The following PTPRZ1 variants were observed in gnomAD, a reference collection of about 807,000 sequenced individuals.
The protein encoded by PTPRZ1 is protein tyrosine phosphatase receptor type Z1, also known as receptor-type tyrosine-protein phosphatase zeta.
PTPRZ1 carries 82 observed loss-of-function variants against 214.1 expected under a neutral mutation model. That is an observed-to-expected ratio of 0.38 (90% confidence interval 0.32 to 0.46). PTPRZ1 has a LOEUF of 0.46. Among genes scored for constraint, PTPRZ1 ranks in the 20% least tolerant of loss-of-function variants. The pLI, the probability that PTPRZ1 is intolerant of heterozygous loss-of-function variation, is 1.00. For synonymous variants in PTPRZ1, 945 were observed against 987.9 expected (o/e 0.96, Z 0.81); for missense variants, 2,603 against 2,748.7 (o/e 0.95, Z 1.19).
intron 2 of PTPRZ1, among the ~76,000 whole-genome samples, chr7:121,947,287 T>G (rs762023757): frequency 1.2e-4 from 19 of 152,044 alleles, no homozygotes; most frequent in Non-Finnish European, 2.4e-4. Context: ...AACAATTACT[T>G]AATAGGACTT....
chr7:121,982,966 A>G (rs890194429), intron 6 of PTPRZ1, among the ~76,000 whole-genome samples: 2 of 152,036 alleles, frequency 1.3e-5, no homozygotes, highest in African/African-American at 2.4e-5. Flanking sequence ...TTTAGCAGAG[A>G]TGGGGTTTCA....
At chr7:122,037,729 G>A (rs1396062378) in intron 18 of PTPRZ1, among the ~76,000 whole-genome samples, 1 of 152,178 alleles carries the variant, frequency 6.6e-6, no homozygotes, top group African/African-American at 2.4e-5. Flanking sequence ...TCTGGAGTTA[G>A]AACTGATTTT....
chr7:121,981,920 A>G (rs749844391), intron 6 of PTPRZ1, among the ~76,000 whole-genome samples: 7 of 151,960 alleles, frequency 4.6e-5, no homozygotes, highest in Non-Finnish European at 7.4e-5. Context: ...AAATTTTATC[A>G]TTTTTCCTTT....
intron 8 of PTPRZ1, 45 bp downstream of exon 8, chr7:121,984,162 G>A (rs1008734794): frequency 1.3e-6 from 2 of 1,504,134 alleles, no homozygotes; most frequent in Non-Finnish European, 1.8e-6. Flanking sequence ...TAGATGCAGT[G>A]TTATAGGAGG....
At chr7:121,985,247 C>T (rs1290530475) in intron 8 of PTPRZ1, among the ~76,000 whole-genome samples, 1 of 152,156 alleles carries the variant, frequency 6.6e-6, no homozygotes, top group Non-Finnish European at 1.5e-5. Flanking sequence ...CTATAGCATA[C>T]TGTCCAGTAA....
At chr7:122,037,469 A>G (rs1242371225) in intron 18 of PTPRZ1, among the ~76,000 whole-genome samples, 1 of 152,114 alleles carries the variant, frequency 6.6e-6, no homozygotes, top group Non-Finnish European at 1.5e-5. Flanking sequence ...GCTTTGTGGA[A>G]CTTACTGGGA....
chr7:122,034,344 C>T lies in PTPRZ1; in HGVS notation c.5250C>T (p.Asn1750=). The change falls in exon 17 of 30, where the codon AAC becomes AAT. Residue 1750 remains asparagine, a synonymous_variant. Transcript: ENST00000393386. ...ITADSSNHPD[N]KHKNRYINIV... is the part of the protein sequence containing the mutation. ...CAGACAGCTCCAACCACCCAGACAA[C>T]AAGCACAAGAATCGATACATAAATA... The T allele has an allele frequency of 6.2e-7, 1 of 1,613,422 alleles. No individual in the cohort carries two copies. Among genetic ancestry groups the T allele is most frequent in the Non-Finnish European group, 8.5e-7 (1 of 1,179,632 alleles).
intron 2 of PTPRZ1, among the ~76,000 whole-genome samples, chr7:121,957,063 G>A (rs1265233620): frequency 6.6e-6 from 1 of 152,122 alleles, no homozygotes; most frequent in East Asian, 1.9e-4. Flanking sequence ...CGCACACTTC[G>A]CTTGGCATTT....
In PTPRZ1 at chr7:121,929,820, AAAAT is replaced by A. The variant is rs1164069398; in HGVS notation, c.124+1603_124+1606del. Among the ~76,000 whole-genome samples the A allele has an allele frequency of 5.3e-5, 6 of 112,508 alleles. No individual in the cohort carries two copies. In the East Asian group the frequency reaches 9.9e-4, roughly 19 times the overall value. 73.8% of individuals were successfully genotyped at this position (112,508 alleles called of 152,430 possible). A position where few individuals can be genotyped will look rare whatever the true frequency, so the allele number is the denominator to read the frequency against. ...AAGACTCCATCTCAAAAAAAAAATAAAAATAAAAAATAAATAAATAAATAAATAA... is the reference window on the plus strand; with the variant it reads ...AAGACTCCATCTCAAAAAAAAAATAAAAAAAATAAATAAATAAATAAATAA... On this transcript the variant is annotated intron_variant, in intron 2 of 29. Coordinates refer to ENST00000393386, the MANE Select transcript of PTPRZ1 (RefSeq NM_002851.3).
chr7:122,055,016 G>A lies in PTPRZ1; in HGVS notation c.6457G>A (p.Ala2153Thr). Residue 2153 changes from alanine to threonine, a missense_variant, in exon 27 of 30, where the codon GCT becomes ACT. Physicochemically the swap from Ala to Thr is moderately conservative, Grantham distance 58. Transcript: ENST00000393386. ...TGAGAGCTTTAAGGTCACTCTTATG[G>A]CTGAAGAACACAAATGTCTATCTAA... The part of the protein sequence containing the change: ...NCESFKVTLM[A>T]EEHKCLSNEE... 1 of 1,605,418 alleles carries A rather than the reference G, an allele frequency of 6.2e-7. No homozygotes were observed. Among genetic ancestry groups the A allele is most frequent in the Non-Finnish European group, 8.5e-7 (1 of 1,173,306 alleles).
intron 6 of PTPRZ1, among the ~76,000 whole-genome samples, chr7:121,980,601 T>C (rs542587582): frequency 2.0e-5 from 3 of 152,358 alleles, no homozygotes; most frequent in South Asian, 4.1e-4. Context: ...AAAAGGTTTT[T>C]ATTTCTAAGA....
intron 1 of PTPRZ1, among the ~76,000 whole-genome samples, chr7:121,874,602 G>A (rs1793995731): frequency 6.6e-6 from 1 of 152,160 alleles, no homozygotes; most frequent in Non-Finnish European, 1.5e-5. Context: ...AATAGATGGT[G>A]CTGCTCTTGG....
intron 3 of PTPRZ1, among the ~76,000 whole-genome samples, chr7:121,968,372 G>A (rs1797107878): frequency 3.3e-5 from 5 of 152,022 alleles, no homozygotes; most frequent in Admixed American, 2.6e-4. Flanking sequence ...TAATGATGCT[G>A]CCTCTAGAAG....
intron 1 of PTPRZ1, among the ~76,000 whole-genome samples, chr7:121,889,758 CA>C (rs974244846): frequency 2.7e-5 from 4 of 150,638 alleles, no homozygotes; most frequent in East Asian, 3.9e-4. Flanking sequence ...CATTCCAAAA[CA>C]AAAAAAAATA....
intron 11 of PTPRZ1, among the ~76,000 whole-genome samples, chr7:122,005,051 C>A (rs1334390422): frequency 6.6e-6 from 1 of 151,734 alleles, no homozygotes; most frequent in Non-Finnish European, 1.5e-5. Flanking sequence ...AAATAACCAA[C>A]GATTGATAGA....
At chr7:122,053,298 A>G (rs1178814150) in intron 25 of PTPRZ1, among the ~76,000 whole-genome samples, 1 of 152,146 alleles carries the variant, frequency 6.6e-6, no homozygotes, top group Non-Finnish European at 1.5e-5. Context: ...AGAGGTATTT[A>G]CTATGGCATA....
At chr7:122,019,747 T>C (rs1372664925) in intron 13 of PTPRZ1, among the ~76,000 whole-genome samples, 1 of 152,178 alleles carries the variant, frequency 6.6e-6, no homozygotes, top group East Asian at 1.9e-4. Context: ...TAAATATAAT[T>C]AGAGACTACA....
intron 1 of PTPRZ1, among the ~76,000 whole-genome samples, chr7:121,887,867 T>G (rs2116197378): frequency 6.6e-6 from 1 of 152,010 alleles, no homozygotes; most frequent in Middle Eastern, 3.4e-3. Flanking sequence ...CACCTCTTCA[T>G]CCCCCCAACA....
At chr7:122,007,199 G>A (rs1798518932) in intron 11 of PTPRZ1, among the ~76,000 whole-genome samples, 1 of 152,146 alleles carries the variant, frequency 6.6e-6, no homozygotes, top group South Asian at 2.1e-4. Context: ...TGATCTAGAG[G>A]AAAATGAGGA....
Sources: gnomAD v4.1 joint callset for allele counts (sites outside exome capture counted in the v4.1 genomes callset) on GRCh38, gnomAD v4.1.1 for gene constraint, MANE v1.5 for transcripts, NCBI Gene and HGNC (gene_info 2026-07-23, HGNC 2026-07-21) for gene names.